The following ZNF808 variants were observed in gnomAD, a reference collection of about 807,000 sequenced individuals.
The protein encoded by ZNF808 is zinc finger protein 808.
ZNF808 carries 5 observed loss-of-function variants against 8.7 expected under a neutral mutation model. That is an observed-to-expected ratio of 0.58 (90% CI 0.30 to 1.21). ZNF808 has a LOEUF of 1.21. Among genes scored for constraint, ZNF808 ranks in the 50% most tolerant of loss-of-function variants. The pLI, the probability that ZNF808 is intolerant of heterozygous loss-of-function variation, is 0.07. For missense variants in ZNF808, 1,103 were observed against 1,098.4 expected (o/e 1.00, Z -0.06); for synonymous variants, 380 against 366.0 (o/e 1.04, Z -0.44).
At position 52,553,213 on chromosome 19, in the gene ZNF808, A is replaced by T. The variant is rs1456572345; in HGVS notation, c.297A>T (p.Gly99=). Residue 99 remains glycine (G), a synonymous_variant, in exon 5 of 5, where the codon GGA becomes GGT. Transcript: ENST00000359798. ...AAAGACATCAAAGTTATCACATTGG[A>T]GACTTTTGCTTCCAGGAAATTGAGA... is the stretch of plus-strand genomic sequence containing the variant. The part of the protein sequence containing the change: ...TLQRHQSYHI[G]DFCFQEIEKE... 20 of 1,613,964 alleles carry T rather than the reference A, an allele frequency of 1.2e-5. No homozygotes were observed. The highest frequency in any genetic ancestry group is 1.7e-5 in the Non-Finnish European group (20 of 1,180,018).
At chr19:52,528,981 TGAA>T (rs2059536481) in intron 1 of ZNF808, among the ~76,000 whole-genome samples, 1 of 148,122 alleles carries the variant, frequency 6.8e-6, no homozygotes, top group Non-Finnish European at 1.5e-5. Context: ...GGGTACAAAA[TGAA>T]GAGCAGAATC....
chr19:52,532,609 C>A lies in ZNF808; in HGVS notation c.-121-299C>A, dbSNP rs183296659. Among the ~76,000 whole-genome samples, 9 of 152,192 alleles carry A rather than the reference C, an allele frequency of 5.9e-5. No homozygotes were observed. In the East Asian group the frequency reaches 1.7e-3, roughly 29 times the overall value. On this transcript the variant is annotated intron_variant, in intron 1 of 4. Coordinates refer to ENST00000359798, the MANE Select transcript of ZNF808 (RefSeq NM_001039886.4). Reference sequence around the variant, plus strand: ...GTGACAGTGATATGTTTTTTGCAAACTGTGATACATTTTAGGGTCACAGTG... The same window carrying A: ...GTGACAGTGATATGTTTTTTGCAAAATGTGATACATTTTAGGGTCACAGTG...
chr19:52,529,666 G>A (rs73934553), intron 1 of ZNF808, among the ~76,000 whole-genome samples: 2,791 of 152,078 alleles, frequency 0.018, 78 homozygotes, highest in African/African-American at 0.064. Flanking sequence ...GGAGGATGTG[G>A]GGTAGAGAAG....
chr19:52,548,834 C>T (rs868270349), intron 4 of ZNF808, among the ~76,000 whole-genome samples: 4 of 152,028 alleles, frequency 2.6e-5, no homozygotes, highest in Admixed American at 6.6e-5. Context: ...ATAATACTAC[C>T]AGGCTGGGTG....
rs1278026225 is a variant in ZNF808, at chr19:52,556,080, T to A, written c.*452T>A. On this transcript the variant is annotated 3_prime_UTR_variant, in exon 5 of 5. Transcript: ENST00000359798. ...GTATAGCAAACCATCAAGCATTAAT[T>A]GACATTGGAGTCAATTCAGCATTGA... 1.4e-5 allele frequency: 6 copies of A among 439,306 alleles called. No individual in the cohort carries two copies. The East Asian group carries it at 3.7e-4, about 27-fold the overall frequency. 27.2% of individuals were successfully genotyped at this position (439,306 alleles called of 1,614,324 possible).
rs779325682 is a variant in ZNF808, at chr19:52,555,336, C to G, written c.2420C>G (p.Ala807Gly). Residue 807 changes from alanine (A) to glycine (G), a missense_variant, in exon 5 of 5, where the codon GCA becomes GGA. Transcript: ENST00000359798. ...DKAFVRNSYL[A>G]RHIRIHTAEK... is the part of the protein sequence containing the mutation. The stretch of plus-strand genomic sequence containing the variant: ...GCTTTCGTGCGTAATTCATACCTGG[C>G]AAGACATATTAGAATTCACACTGCA... 3.1e-6 allele frequency: 5 copies of G among 1,613,974 alleles called. No homozygotes were observed. Among genetic ancestry groups the G allele is most frequent in the Non-Finnish European group, 4.2e-6 (5 of 1,180,022 alleles).
intron 1 of ZNF808, among the ~76,000 whole-genome samples, chr19:52,530,639 G>T (rs991226290): frequency 2.4e-4 from 36 of 149,508 alleles, no homozygotes; most frequent in African/African-American, 8.9e-4. Context: ...TGCCAGGCTG[G>T]GCAACGGAGC....
At chr19:52,551,379 C>T (rs1277604018) in intron 4 of ZNF808, among the ~76,000 whole-genome samples, 2 of 151,730 alleles carry the variant, frequency 1.3e-5, no homozygotes, top group East Asian at 3.9e-4. Flanking sequence ...AAAAGTTAGC[C>T]AGGCATGGTG....
chr19:52,531,526 G>T (rs1368516317), intron 1 of ZNF808, among the ~76,000 whole-genome samples: 1 of 150,630 alleles, frequency 6.6e-6, no homozygotes, highest in Non-Finnish European at 1.5e-5. Context: ...AAAAGCAGAC[G>T]TATTCACGTG....
At chr19:52,548,924 C>T (rs867134001) in intron 4 of ZNF808, among the ~76,000 whole-genome samples, 2 of 151,904 alleles carry the variant, frequency 1.3e-5, no homozygotes, top group Non-Finnish European at 2.9e-5. Flanking sequence ...TCGAGTCCAG[C>T]TTGGCCAACT....
At chr19:52,547,964 C>A (rs1269534630) in intron 4 of ZNF808, among the ~76,000 whole-genome samples, 1 of 152,084 alleles carries the variant, frequency 6.6e-6, no homozygotes, top group Non-Finnish European at 1.5e-5. Flanking sequence ...GTCTCTAACT[C>A]CAGACCTCAG....
intron 2 of ZNF808, 46 bp from the exon 3 acceptor site, chr19:52,543,220 G>C: frequency 6.3e-7 from 1 of 1,595,086 alleles, no homozygotes; most frequent in Non-Finnish European, 8.6e-7. Flanking sequence ...CACAGGAAGG[G>C]AGTGAGTCAT....
At chr19:52,563,411 C>CAGTA (rs59038224) in exon 4 of ZNF808, 49,638 of 151,844 alleles carry the variant, frequency 0.33, 8,509 homozygotes, top group African/African-American at 0.41. Context: ...CACATGCCTG[C>CAGTA]AGTATCAACT....
intron 2 of ZNF808, among the ~76,000 whole-genome samples, chr19:52,534,259 T>C (rs528900014): frequency 2.6e-5 from 4 of 152,262 alleles, no homozygotes; most frequent in African/African-American, 9.6e-5. Context: ...GGATGAAGCT[T>C]GTTAGCTGAC....
At chr19:52,565,071 G>C (rs1456612873), downstream of ZNF808, among the ~76,000 whole-genome samples, 1 of 152,098 alleles carries the variant, frequency 6.6e-6, no homozygotes, top group African/African-American at 2.4e-5. Context: ...GGGCGAAAGA[G>C]TGAGACTCCG....
intron 2 of ZNF808, among the ~76,000 whole-genome samples, chr19:52,536,261 G>A (rs1238041941): frequency 2.0e-5 from 3 of 152,128 alleles, no homozygotes; most frequent in East Asian, 1.9e-4. Flanking sequence ...CTGCTATAGG[G>A]CAGTGTATAC....
downstream of ZNF808, among the ~76,000 whole-genome samples, chr19:52,568,243 G>A (rs535774556): frequency 2.6e-5 from 4 of 152,220 alleles, no homozygotes; most frequent in South Asian, 2.1e-4. Context: ...GCATGGTGGC[G>A]CACGCCTGTA....
chr19:52,536,919 G>T (rs1329791506), intron 2 of ZNF808, among the ~76,000 whole-genome samples: 1 of 152,160 alleles, frequency 6.6e-6, no homozygotes, highest in Non-Finnish European at 1.5e-5. Context: ...GGGCGCTTTG[G>T]CTCATGCCTG....
chr19:52,553,490 A>G lies in ZNF808; in HGVS notation c.574A>G (p.Thr192Ala), dbSNP rs952221744. 2 of 1,614,180 alleles carry G rather than the reference A, an allele frequency of 1.2e-6. No individual in the cohort carries two copies. Among genetic ancestry groups the G allele is most frequent in the Non-Finnish European group, 1.7e-6 (2 of 1,180,026 alleles). ...KSTSDASSVSTSQRISCRPQI... is the reference protein window; with the variant it reads ...KSTSDASSVSASQRISCRPQI... ...TACCAGTGATGCTTCCTCAGTTTCA[A>G]CATCCCAAAGAATTTCCTGTAGGCC... Residue 192 changes from threonine to alanine, a missense_variant, in exon 5 of 5, where the codon ACA (threonine) becomes GCA (alanine). Transcript: ENST00000359798.
Sources: gnomAD v4.1 joint callset for allele counts (sites outside exome capture counted in the v4.1 genomes callset) on GRCh38, gnomAD v4.1.1 for gene constraint, MANE v1.5 for transcripts, NCBI Gene and HGNC (gene_info 2026-07-23, HGNC 2026-07-21) for gene names.